TDRD12: variants seen among roughly 807,000 people sequenced by gnomAD.
TDRD12 encodes putative ATP-dependent RNA helicase TDRD12.
In TDRD12, 158 loss-of-function variants were observed where a neutral mutation model predicts 133.5. That is an observed-to-expected ratio of 1.18 (90% confidence interval 1.04 to 1.35). The LOEUF is 1.35. Among genes scored for constraint, TDRD12 ranks in the 40% most tolerant of loss-of-function variants. The pLI is 0.00. For synonymous variants in TDRD12, 460 were observed against 477.9 expected, an observed-to-expected ratio of 0.96 and a Z score of 0.49; for missense variants, 1,443 against 1,321.3, an observed-to-expected ratio of 1.09 and a Z score of -1.43.
At chr19:32,760,077 G>A (rs1369073044) in intron 8 of TDRD12, among the ~76,000 whole-genome samples, 1 of 152,194 alleles carries the variant, frequency 6.6e-6, no homozygotes, top group Non-Finnish European at 1.5e-5. Context: ...TTCCATTGGA[G>A]GAATAAAAAT....
intron 3 of TDRD12, among the ~76,000 whole-genome samples, chr19:32,741,227 G>A (rs537652390): frequency 3.3e-5 from 5 of 152,258 alleles, no homozygotes; most frequent in East Asian, 1.9e-4. Flanking sequence ...GACTACAGGC[G>A]TGTGCCACCA....
chr19:32,783,949 T>G (rs1227824841), intron 11 of TDRD12, among the ~76,000 whole-genome samples: 1 of 152,188 alleles, frequency 6.6e-6, no homozygotes, highest in Non-Finnish European at 1.5e-5. Flanking sequence ...TTGAATACCT[T>G]TATTGCTTTC....
intron 8 of TDRD12, among the ~76,000 whole-genome samples, chr19:32,765,245 G>A (rs1045358249): frequency 4.6e-5 from 7 of 152,214 alleles, no homozygotes; most frequent in Non-Finnish European, 1.0e-4. Context: ...AATAACAGGT[G>A]CTGGAGAGGA....
rs1032447921 is a variant in TDRD12 at position 32,757,149 on chromosome 19, G to A, written c.865+19G>A. 5.2e-6 allele frequency: 8 copies of A among 1,535,262 alleles called. No homozygotes were observed. The highest frequency in any genetic ancestry group is 1.7e-4 in the Middle Eastern group (1 of 5,964). ...GCACAGGGTGAGTTCTGCTAATGTGGTTTATTTCATAGGCAGCATGAAAAA... is the reference window on the plus strand; with the variant it reads ...GCACAGGGTGAGTTCTGCTAATGTGATTTATTTCATAGGCAGCATGAAAAA... On this transcript the variant is annotated intron_variant, in intron 8 of 27. Coordinates refer to ENST00000444215, the Ensembl canonical transcript of TDRD12.
At chr19:32,759,787 T>C (rs1470828399) in intron 8 of TDRD12, among the ~76,000 whole-genome samples, 3 of 152,202 alleles carry the variant, frequency 2.0e-5, no homozygotes, top group African/African-American at 7.2e-5. Flanking sequence ...ATATATCCGG[T>C]ATAATGTGTT....
At chr19:32,758,063 G>A (rs894367281) in intron 8 of TDRD12, among the ~76,000 whole-genome samples, 1 of 152,182 alleles carries the variant, frequency 6.6e-6, no homozygotes, top group African/African-American at 2.4e-5. Flanking sequence ...GGCCGCTGGA[G>A]GCTCCCTACC....
At chr19:32,820,939 C>G in intron 27 of TDRD12, 94 bp from the exon 28 acceptor site, 1 of 998,878 alleles carries the variant, frequency 1.0e-6, no homozygotes. Context: ...TCCACGGCCA[C>G]AGGCACTTCA....
At chr19:32,818,149 G>A (rs771899800) in exon 27 of TDRD12, 13 of 702,136 alleles carry the variant, frequency 1.9e-5, no homozygotes, top group Middle Eastern at 4.6e-4. Context: ...AGGAGCAGGG[G>A]GGGCAGGGGT....
chr19:32,826,807 C>A, intron 9 of TDRD12, 58 bp downstream of exon 32: 1 of 1,039,868 alleles, frequency 9.6e-7, no homozygotes, highest in Non-Finnish European at 1.2e-6. Flanking sequence ...CAGTGAGGGA[C>A]ACCATCACCC....
exon 10 of TDRD12, chr19:32,827,186 G>T (rs780939218): frequency 8.9e-6 from 11 of 1,231,494 alleles, no homozygotes; most frequent in Non-Finnish European, 1.1e-5. Context: ...AAAACCTGCC[G>T]TACACAGTGA....
At chr19:32,734,322 G>A (rs1010910926) in intron 2 of TDRD12, among the ~76,000 whole-genome samples, 1 of 151,708 alleles carries the variant, frequency 6.6e-6, no homozygotes, top group Non-Finnish European at 1.5e-5. Flanking sequence ...CATTTTTGGT[G>A]TCGAGAGGGT....
At chr19:32,807,729 A>G in intron 22 of TDRD12, 81 bp downstream of exon 22, 1 of 1,010,354 alleles carries the variant, frequency 9.9e-7, no homozygotes, top group Non-Finnish European at 1.4e-6. Context: ...GCAGGATCTT[A>G]GTAGATGTCA....
At chr19:32,793,982 C>CA (rs1555774412) in intron 13 of TDRD12, among the ~76,000 whole-genome samples, 25 of 149,872 alleles carry the variant, frequency 1.7e-4, no homozygotes, top group East Asian at 5.9e-4. Flanking sequence ...TTAGTAGAGA[C>CA]GGGGTTTCTG....
At chr19:32,732,967 G>A (rs557348772) in intron 2 of TDRD12, among the ~76,000 whole-genome samples, 5 of 152,170 alleles carry the variant, frequency 3.3e-5, no homozygotes, top group African/African-American at 1.2e-4. Context: ...GAGCCTAGGA[G>A]TTTTGTGAAC....
chr19:32,751,809 A>G (rs1196246032), intron 6 of TDRD12, among the ~76,000 whole-genome samples: 1 of 151,632 alleles, frequency 6.6e-6, no homozygotes, highest in Non-Finnish European at 1.5e-5. Context: ...TGTCCTCCCA[A>G]AGTGCTGGTA....
At chr19:32,773,990 G>T (rs1970510358) in intron 10 of TDRD12, among the ~76,000 whole-genome samples, 1 of 152,314 alleles carries the variant, frequency 6.6e-6, no homozygotes, top group African/African-American at 2.4e-5. Flanking sequence ...CTGATGAGAG[G>T]GATGGCCTCA....
chr19:32,781,145 G>T (rs891306309), intron 11 of TDRD12, among the ~76,000 whole-genome samples: 42 of 151,994 alleles, frequency 2.8e-4, no homozygotes, highest in African/African-American at 1.0e-3. Context: ...GGGTTTCACC[G>T]TGTTAGCCAG....
chr19:32,826,639 T>TGTGTCATATTCACGCGCTCACTGTCA, intron 9 of TDRD12, 41 bp downstream of exon 31: 9 of 1,233,688 alleles, frequency 7.3e-6, no homozygotes, highest in Non-Finnish European at 9.1e-6. Flanking sequence ...TTACCCTGCG[T>TGTGTCATATTCACGCGCTCACTGTCA]GTGTCATATT....
At chr19:32,789,990 G>A (rs1316350072) in intron 11 of TDRD12, among the ~76,000 whole-genome samples, 2 of 151,412 alleles carry the variant, frequency 1.3e-5, no homozygotes, top group Non-Finnish European at 2.9e-5. Context: ...TAACAAGAGC[G>A]AAACTCCATC....
Sources: gnomAD v4.1 joint callset for allele counts (sites outside exome capture counted in the v4.1 genomes callset) on GRCh38, gnomAD v4.1.1 for gene constraint, MANE v1.5 for transcripts, NCBI Gene and HGNC (gene_info 2026-07-23, HGNC 2026-07-21) for gene names.